The following TMPRSS15 variants were observed in gnomAD, a reference collection of about 807,000 sequenced individuals.
TMPRSS15 encodes transmembrane serine protease 15, also known as enteropeptidase.
Under a neutral mutation model 125.3 loss-of-function variants are expected in TMPRSS15, and 128 were observed. That is an observed-to-expected ratio of 1.02 (90% CI 0.89 to 1.18). TMPRSS15 has a LOEUF of 1.18. Among genes scored for constraint, TMPRSS15 ranks in the 50% most tolerant of loss-of-function variants. TMPRSS15 has a pLI of 0.00. For synonymous variants in TMPRSS15, 446 were observed against 423.2 expected (o/e 1.05, Z -0.66); for missense variants, 1,283 against 1,212.7 (o/e 1.06, Z -0.86).
chr21:18,329,843 G>A (rs2075327790), intron 14 of TMPRSS15, among the ~76,000 whole-genome samples: 1 of 150,880 alleles, frequency 6.6e-6, no homozygotes, highest in Admixed American at 6.6e-5. Flanking sequence ...TCAACCTTCA[G>A]ATTTTTTTCT....
intron 21 of TMPRSS15, among the ~76,000 whole-genome samples, chr21:18,284,478 G>A (rs2074738900): frequency 6.6e-6 from 1 of 152,192 alleles, no homozygotes; most frequent in Admixed American, 6.5e-5. Flanking sequence ...ACTGAGCAAT[G>A]CAGAAAACTT....
intron 16 of TMPRSS15, among the ~76,000 whole-genome samples, chr21:18,317,809 CATCCCATTCTATCCTATCCCATCCT>C (rs2075185189): frequency 3.1e-5 from 1 of 32,358 alleles, no homozygotes; most frequent in Non-Finnish European, 5.8e-5. Flanking sequence ...CATCCCATCC[CATCCCATTCTATCCTATCCCATCCT>C]ATTCCATCCC....
At chr21:18,463,762 G>C (rs2122954127) in intron 1 of TMPRSS15, among the ~76,000 whole-genome samples, 1 of 152,262 alleles carries the variant, frequency 6.6e-6, no homozygotes, top group East Asian at 1.9e-4. Context: ...TCATACTACA[G>C]TGCAATCAAA....
intron 18 of TMPRSS15, among the ~76,000 whole-genome samples, chr21:18,298,176 T>C (rs1325699842): frequency 6.6e-6 from 1 of 152,260 alleles, no homozygotes; most frequent in Admixed American, 6.5e-5. Flanking sequence ...ATAGTTTCCA[T>C]AAAAACCGCT....
At chr21:18,479,937 G>T (rs191627207) in intron 1 of TMPRSS15, among the ~76,000 whole-genome samples, 2 of 151,868 alleles carry the variant, frequency 1.3e-5, no homozygotes, top group African/African-American at 4.8e-5. Context: ...AAACAGGCAC[G>T]TGTATGTTTA....
At chr21:18,374,798 T>A (rs895048276) in intron 5 of TMPRSS15, among the ~76,000 whole-genome samples, 1 of 152,074 alleles carries the variant, frequency 6.6e-6, no homozygotes, top group Non-Finnish European at 1.5e-5. Context: ...GGGCTAGAAC[T>A]CTCACAATGG....
rs573267053 is a variant in TMPRSS15 at position 18,350,164 on chromosome 21, T to A, written c.1171+2739A>T. On this transcript the variant is annotated intron_variant, in intron 10 of 24. Coordinates refer to ENST00000284885, the MANE Select transcript of TMPRSS15 (RefSeq NM_002772.3). Reference sequence around the variant, plus strand: ...CTTCAGAGAGTTGGGGTGATTATCATGTAGGGGTTAGTTTTCAGCTGTGTA... The same window carrying A: ...CTTCAGAGAGTTGGGGTGATTATCAAGTAGGGGTTAGTTTTCAGCTGTGTA... 2.6e-5 allele frequency among the ~76,000 whole-genome samples: 4 copies of A among 152,220 alleles called. No homozygotes were observed. In the South Asian group the frequency reaches 8.3e-4, roughly 32 times the overall value.
intron 3 of TMPRSS15, among the ~76,000 whole-genome samples, 182 bp from the exon 4 acceptor site, chr21:18,383,960 T>G (rs1250155994): frequency 6.6e-6 from 1 of 152,208 alleles, no homozygotes; most frequent in African/African-American, 2.4e-5. Context: ...AAAAGTGAAT[T>G]GAAAGACTAA....
At chr21:18,341,620 G>C in intron 12 of TMPRSS15, 72 bp from the exon 13 acceptor site, 1 of 1,494,246 alleles carries the variant, frequency 6.7e-7, no homozygotes, top group Non-Finnish European at 9.3e-7. Flanking sequence ...CTTCTTGTGA[G>C]CCCAAGAGAT....
At chr21:18,344,205 C>T (rs778946015) in intron 10 of TMPRSS15, 145 bp from the exon 11 acceptor site, 29 of 721,174 alleles carry the variant, frequency 4.0e-5, no homozygotes, top group African/African-American at 7.1e-5. Flanking sequence ...ACACTAGACT[C>T]GAGCTCAGAA....
intron 1 of TMPRSS15, among the ~76,000 whole-genome samples, chr21:18,459,528 C>T (rs1490954299): frequency 6.6e-6 from 1 of 152,146 alleles, no homozygotes; most frequent in Non-Finnish European, 1.5e-5. Flanking sequence ...CCTGCCTCAT[C>T]CTCCCAAAGT....
At chr21:18,283,228 TTC>T (rs2074722651) in intron 21 of TMPRSS15, among the ~76,000 whole-genome samples, 1 of 152,188 alleles carries the variant, frequency 6.6e-6, no homozygotes, top group Admixed American at 6.5e-5. Flanking sequence ...TTCCCTGGTG[TTC>T]TGTTTCTGAA....
chr21:18,288,587 C>A (rs2074794951), intron 21 of TMPRSS15, among the ~76,000 whole-genome samples: 1 of 120,074 alleles, frequency 8.3e-6, no homozygotes, highest in African/African-American at 3.3e-5. Context: ...GTCTCCCAGG[C>A]TGGAGTGCAG....
intron 1 of TMPRSS15, among the ~76,000 whole-genome samples, chr21:18,466,859 C>G (rs915066152): frequency 6.6e-6 from 1 of 152,142 alleles, no homozygotes; most frequent in African/African-American, 2.4e-5. Flanking sequence ...GGAGATTCCT[C>G]TAGGATCTAG....
At chr21:18,289,541 T>C (rs1312445489) in intron 21 of TMPRSS15, among the ~76,000 whole-genome samples, 2 of 152,194 alleles carry the variant, frequency 1.3e-5, no homozygotes, top group Admixed American at 6.5e-5. Flanking sequence ...GTATAAATAG[T>C]AGTCTGTATT....
rs2076057875 is a variant in TMPRSS15 at position 18,398,192 on chromosome 21, C to A, written c.276+7G>T. The A allele has an allele frequency of 6.2e-7, 1 of 1,613,732 alleles. No individual in the cohort carries two copies. Among genetic ancestry groups the A allele is most frequent in the East Asian group, 2.2e-5 (1 of 44,842 alleles). ...ATAAAATTTGAAACCAGCTGTCAGT[C>A]TCCTACCATTTGCTGAAGGTCAAAA... On this transcript the variant is annotated splice_region_variant and intron_variant, in intron 2 of 24. Coordinates refer to ENST00000284885, the MANE Select transcript of TMPRSS15 (RefSeq NM_002772.3).
intron 1 of TMPRSS15, among the ~76,000 whole-genome samples, chr21:18,409,788 T>C (rs2076160627): frequency 6.6e-6 from 1 of 151,842 alleles, no homozygotes; most frequent in African/African-American, 2.4e-5. Context: ...AAATCAGTTT[T>C]TGGAAATATT....
intron 1 of TMPRSS15, among the ~76,000 whole-genome samples, chr21:18,448,275 A>G (rs998737559): frequency 4.6e-5 from 7 of 152,168 alleles, no homozygotes; most frequent in African/African-American, 1.7e-4. Context: ...GGATTATGAC[A>G]TTGTGTCTAA....
chr21:18,313,194 T>A (rs1471379465), intron 17 of TMPRSS15, 117 bp from the exon 18 acceptor site: 2 of 769,554 alleles, frequency 2.6e-6, no homozygotes, highest in East Asian at 5.2e-5. Flanking sequence ...GTTCATGAGA[T>A]CTCTTGCACA....
Sources: allele counts gnomAD v4.1 joint callset (sites outside exome capture counted in the v4.1 genomes callset), GRCh38; gene constraint gnomAD v4.1.1; transcripts MANE v1.5; gene names NCBI Gene and HGNC (gene_info 2026-07-23, HGNC 2026-07-21).